Variants in SLC24A3 observed in about 807,000 individuals in gnomAD.
SLC24A3 encodes the protein solute carrier family 24 member 3, also known as sodium/potassium/calcium exchanger 3.
A neutral mutation model predicts 75.8 loss-of-function variants in SLC24A3; 28 were observed. That is an observed-to-expected ratio of 0.37 (90% confidence interval 0.27 to 0.51). The LOEUF (loss-of-function observed/expected upper bound fraction) is 0.51. Among genes scored for constraint, SLC24A3 ranks in the 20% least tolerant of loss-of-function variants. The pLI is 0.94. For missense variants in SLC24A3, 663 were observed against 847.8 expected, an observed-to-expected ratio of 0.78 and a Z score of 2.71; for synonymous variants, 372 against 334.1, an observed-to-expected ratio of 1.11 and a Z score of -1.24.
At chr20:19,362,758 C>T (rs940165405) in intron 2 of SLC24A3, among the ~76,000 whole-genome samples, 1 of 152,086 alleles carries the variant, frequency 6.6e-6, no homozygotes, top group Non-Finnish European at 1.5e-5. Context: ...CCTACACCCC[C>T]GAGTCTGATG....
intron 6 of SLC24A3, among the ~76,000 whole-genome samples, chr20:19,638,257 T>C (rs886120759): frequency 6.6e-6 from 1 of 152,182 alleles, no homozygotes; most frequent in Non-Finnish European, 1.5e-5. Flanking sequence ...CAAAAGTAGA[T>C]AAATCTAGAA....
At chr20:19,554,628 G>A (rs2030753895) in intron 3 of SLC24A3, among the ~76,000 whole-genome samples, 1 of 152,236 alleles carries the variant, frequency 6.6e-6, no homozygotes, top group African/African-American at 2.4e-5. Flanking sequence ...ACCATGCAAA[G>A]CCTCTAATGG....
intron 1 of SLC24A3, among the ~76,000 whole-genome samples, chr20:19,263,781 A>C (rs576623834): frequency 9.2e-5 from 14 of 152,348 alleles, no homozygotes; most frequent in Non-Finnish European, 2.1e-4. Flanking sequence ...AATGGGCCAA[A>C]GAATAGGAAA....
In SLC24A3 at chr20:19,708,603, T is replaced by C. The variant is rs544743591; in HGVS notation, c.1720-8925T>C. Among the ~76,000 whole-genome samples, 22 of 152,318 alleles carry C rather than the reference T, an allele frequency of 1.4e-4. No homozygotes were observed. In the South Asian group the frequency reaches 4.1e-3, roughly 29 times the overall value. ...CATAGCTTCCTCTGGCGATGCCACG[T>C]TGGTAGCTTGAAATCAGCCATGATG... is the stretch of plus-strand genomic sequence containing the variant. On this transcript the variant is annotated intron_variant, in intron 15 of 16. Coordinates refer to ENST00000328041, the MANE Select transcript of SLC24A3 (RefSeq NM_020689.4).
At chr20:19,640,715 A>C (rs904514616) in intron 6 of SLC24A3, among the ~76,000 whole-genome samples, 1 of 152,116 alleles carries the variant, frequency 6.6e-6, no homozygotes, top group Non-Finnish European at 1.5e-5. Context: ...ATGCCACTAC[A>C]CTCCAGCCTA....
intron 2 of SLC24A3, among the ~76,000 whole-genome samples, chr20:19,308,738 G>A (rs954604405): frequency 1.3e-5 from 2 of 152,174 alleles, no homozygotes; most frequent in African/African-American, 2.4e-5. Flanking sequence ...TAAGGAGCCC[G>A]TATTATGACT....
intron 2 of SLC24A3, among the ~76,000 whole-genome samples, chr20:19,488,565 T>C (rs926934586): frequency 6.6e-6 from 1 of 152,180 alleles, no homozygotes; most frequent in African/African-American, 2.4e-5. Flanking sequence ...TCTCCATTAC[T>C]GTCACCACCA....
chr20:19,552,726 T>C (rs2045090723), intron 3 of SLC24A3, among the ~76,000 whole-genome samples: 1 of 152,120 alleles, frequency 6.6e-6, no homozygotes, highest in Non-Finnish European at 1.5e-5. Flanking sequence ...CTCTTTAAAC[T>C]CCCTGTTTGG....
intron 2 of SLC24A3, among the ~76,000 whole-genome samples, chr20:19,355,898 C>T (rs1330106869): frequency 6.6e-6 from 1 of 152,132 alleles, no homozygotes; most frequent in Non-Finnish European, 1.5e-5. Flanking sequence ...GGTGTGCTGC[C>T]TACATTCATA....
intron 2 of SLC24A3, among the ~76,000 whole-genome samples, chr20:19,458,205 C>A (rs763951876): frequency 7.2e-5 from 11 of 152,092 alleles, no homozygotes; most frequent in Non-Finnish European, 1.6e-4. Context: ...ACACGTACGT[C>A]TATGTTCATG....
rs1250668515 is a variant in SLC24A3, at chr20:19,698,602, G to A, written c.1641G>A (p.Gly547=). 1 of 1,593,398 alleles carries A rather than the reference G, an allele frequency of 6.3e-7. No homozygotes were observed. The change falls in exon 15 of 17, where the codon GGG becomes GGA. Residue 547 remains glycine, a synonymous_variant. Coordinates refer to ENST00000328041, the MANE Select transcript of SLC24A3 (RefSeq NM_020689.4). ...ACATGGCTGTGTCCAACTCCATTGG[G>A]AGCAACGTGTTTGACATCCTGATTG... The part of the protein sequence containing the change: ...MGDMAVSNSI[G]SNVFDILIGL...
At chr20:19,488,974 A>T (rs1277093169) in intron 2 of SLC24A3, among the ~76,000 whole-genome samples, 1 of 152,200 alleles carries the variant, frequency 6.6e-6, no homozygotes, top group Admixed American at 6.5e-5. Flanking sequence ...CGGATTAGGG[A>T]TGTTCAACCT....
chr20:19,666,369 G>A (rs1318790121), intron 8 of SLC24A3, among the ~76,000 whole-genome samples: 2 of 152,034 alleles, frequency 1.3e-5, no homozygotes, highest in Admixed American at 1.3e-4. Flanking sequence ...AGCCGGGCAT[G>A]GTGGTAGGCA....
In SLC24A3 at chr20:19,693,397, C is replaced by A; in HGVS notation, c.1463C>A (p.Ala488Glu). ...VTFASSTLWI[A>E]AFSYMMVWMV... is the part of the protein sequence containing the mutation. ...TTTGCTTCCTCCACGCTGTGGATCGCAGCCTTCTCCTACATGATGGTGTGG... is the reference window on the plus strand; with the variant it reads ...TTTGCTTCCTCCACGCTGTGGATCGAAGCCTTCTCCTACATGATGGTGTGG... Residue 488 changes from alanine to glutamate, a missense_variant, in exon 13 of 17, where the codon GCA becomes GAA. Transcript: ENST00000328041. 6.2e-7 allele frequency: 1 copy of A among 1,614,120 alleles called. No homozygotes were observed. The highest frequency in any genetic ancestry group is 8.5e-7 in the Non-Finnish European group (1 of 1,180,018).
At chr20:19,305,578 A>G (rs1170026512) in intron 2 of SLC24A3, among the ~76,000 whole-genome samples, 1 of 152,096 alleles carries the variant, frequency 6.6e-6, no homozygotes, top group Non-Finnish European at 1.5e-5. Context: ...ACATAGACCA[A>G]TGGAACAGGA....
chr20:19,518,922 A>T (rs638350), intron 3 of SLC24A3, among the ~76,000 whole-genome samples: 63,739 of 151,856 alleles, frequency 0.42, 14,159 homozygotes, highest in African/African-American at 0.55. Context: ...GGACAGAACG[A>T]CCCCAGGAGG....
chr20:19,593,362 G>T (rs551500081), intron 6 of SLC24A3, among the ~76,000 whole-genome samples: 2 of 152,162 alleles, frequency 1.3e-5, no homozygotes, highest in Admixed American at 6.5e-5. Context: ...CCTCTGCCCC[G>T]CAAGTAGCTG....
At chr20:19,528,921 G>A (rs1405095151) in intron 3 of SLC24A3, among the ~76,000 whole-genome samples, 1 of 152,122 alleles carries the variant, frequency 6.6e-6, no homozygotes, top group African/African-American at 2.4e-5. Context: ...TGGATTTCAT[G>A]CCTTTGGTTT....
intron 12 of SLC24A3, among the ~76,000 whole-genome samples, chr20:19,686,672 T>C (rs1600340475): frequency 6.6e-6 from 1 of 152,366 alleles, no homozygotes; most frequent in African/African-American, 2.4e-5. Flanking sequence ...AGGGTCTTGC[T>C]GTGCTCCAGG....
Sources: gnomAD v4.1 joint callset for allele counts (sites outside exome capture counted in the v4.1 genomes callset) on GRCh38, gnomAD v4.1.1 for gene constraint, MANE v1.5 for transcripts, NCBI Gene and HGNC (gene_info 2026-07-23, HGNC 2026-07-21) for gene names.